ATP6V0A4: variants seen among roughly 807,000 people sequenced by gnomAD.
ATP6V0A4 encodes V-type proton ATPase 116 kDa subunit a 4.
In ATP6V0A4, 86 loss-of-function variants were observed where a neutral mutation model predicts 107.3. That is an observed-to-expected ratio of 0.80 (90% CI 0.67 to 0.96). The LOEUF is 0.96. Ranked by LOEUF, ATP6V0A4 falls within the 40% of genes least tolerant of loss-of-function variation. The pLI is 0.00. For missense variants in ATP6V0A4, 908 were observed against 1,045.6 expected (o/e 0.87, Z 1.81); for synonymous variants, 353 against 381.4 (o/e 0.93, Z 0.87).
At chr7:138,784,888 C>G (rs1247341071) in intron 2 of ATP6V0A4, among the ~76,000 whole-genome samples, 2 of 152,162 alleles carry the variant, frequency 1.3e-5, no homozygotes, top group African/African-American at 4.8e-5. Flanking sequence ...TGAGGACTTT[C>G]TACAGAATGG....
chr7:138,789,070 T>C lies in ATP6V0A4; in HGVS notation c.-120-2810A>G, dbSNP rs556649953. 8.8e-4 allele frequency among the ~76,000 whole-genome samples: 134 copies of C among 152,350 alleles called. 1 individual carries two copies. The highest frequency in any genetic ancestry group is 3.4e-3 in the Middle Eastern group (1 of 294). On this transcript the variant is annotated intron_variant, in intron 1 of 21. Transcript: ENST00000310018. ...AGATTCTAATTGTAATCCGATGTTA[T>C]ATCTGTGTCTTCTTTCTAGTCTTCT...
At position 138,709,686 on chromosome 7, in the gene ATP6V0A4, T is replaced by C. The variant is rs1208089497; in HGVS notation, c.2367A>G (p.Thr789=). Residue 789 remains threonine, a synonymous_variant, in exon 21 of 22, where the codon ACA becomes ACG. Transcript: ENST00000310018. The stretch of plus-strand genomic sequence containing the variant: ...CCTCCATGATCAGAAGGATGGCTAC[T>C]GTCAGGACAGCAAATACGGCAAAAA... ...FIIFAVFAVL[T]VAILLIMEGL... The C allele has an allele frequency of 1.9e-6, 3 of 1,613,804 alleles. No homozygotes were observed. The highest frequency in any genetic ancestry group is 4.5e-5 in the East Asian group (2 of 44,870).
chr7:138,706,570 G>A lies in ATP6V0A4; in HGVS notation c.*54C>T, dbSNP rs1003748725. The A allele has an allele frequency of 1.9e-6, 3 of 1,601,244 alleles. No individual in the cohort carries two copies. Among genetic ancestry groups the A allele is most frequent in the African/African-American group, 2.7e-5 (2 of 74,584 alleles). ...TTGCAGGGGCTGATATCAAAGACAAGACTGAACTTCCTTCATTGGCATGGT... is the reference window on the plus strand; with the variant it reads ...TTGCAGGGGCTGATATCAAAGACAAAACTGAACTTCCTTCATTGGCATGGT... On this transcript the variant is annotated 3_prime_UTR_variant, in exon 22 of 22. Transcript: ENST00000310018.
chr7:138,733,343 A>G (rs1805127660), intron 16 of ATP6V0A4, among the ~76,000 whole-genome samples: 1 of 151,668 alleles, frequency 6.6e-6, no homozygotes, highest in African/African-American at 2.4e-5. Flanking sequence ...GTCTAGAAGT[A>G]ACGTCTAAAG....
rs1324513506 is a variant in ATP6V0A4, at chr7:138,715,849, G to A, written c.2172C>T (p.Ala724=). The A allele has an allele frequency of 6.2e-7, 1 of 1,613,554 alleles. No homozygotes were observed. Among genetic ancestry groups the A allele is most frequent in the Non-Finnish European group, 8.5e-7 (1 of 1,179,704 alleles). ...CCAGGCAGTACTCGATGGTGTGGAT[G>A]GCTTGGTGGACAAAGACGTCTCCAA... ...FNFGDVFVHQ[A]IHTIEYCLGC... The change falls in exon 20 of 22, where the codon GCC becomes GCT. Residue 724 remains alanine (A), a synonymous_variant. Transcript: ENST00000310018.
At position 138,715,802 on chromosome 7, in the gene ATP6V0A4, G is replaced by A. The variant is rs1389674741; in HGVS notation, c.2219C>T (p.Ser740Phe). ...YCLGCISNTA[S>F]YLRLWALSLA... is the part of the protein sequence containing the mutation. The stretch of plus-strand genomic sequence containing the variant: ...GCTGAGGGCCCAGAGCCGCAGGTAG[G>A]AGGCTGTGTTTGAAATGCAGCCCAG... The change falls in exon 20 of 22, where the codon TCC becomes TTC. Residue 740 changes from serine to phenylalanine, a missense_variant. Physicochemically the swap from Ser to Phe is radical, Grantham distance 155 (BLOSUM62 -2). Transcript: ENST00000310018. 33 of 1,613,124 alleles carry A rather than the reference G, an allele frequency of 2.0e-5. No individual in the cohort carries two copies. Among genetic ancestry groups the A allele is most frequent in the Non-Finnish European group, 2.6e-5 (31 of 1,179,918 alleles).
chr7:138,760,289 C>T (rs939968975), intron 7 of ATP6V0A4, among the ~76,000 whole-genome samples: 4 of 151,700 alleles, frequency 2.6e-5, no homozygotes, highest in African/African-American at 9.7e-5. Flanking sequence ...ACTAAAAATA[C>T]AAAATTAGCC....
Position 138,709,623 on chromosome 7 carries a change from C to G in ATP6V0A4, c.2429+1G>C. 6.2e-7 allele frequency: 1 copy of G among 1,612,250 alleles called. No individual in the cohort carries two copies. Among genetic ancestry groups the G allele is most frequent in the Non-Finnish European group, 8.5e-7 (1 of 1,178,928 alleles). On this transcript the variant is annotated splice_donor_variant, in intron 21 of 21. Transcript: ENST00000310018. LOFTEE classifies it high-confidence loss of function. ...AGCTTCCAGGGGACAACCATCCTTA[C>G]CAGTGCAGTCGCAGGGCGTGCAGGA...
intron 15 of ATP6V0A4, among the ~76,000 whole-genome samples, chr7:138,738,690 G>A (rs1404506461): frequency 1.3e-5 from 2 of 152,158 alleles, no homozygotes; most frequent in Non-Finnish European, 2.9e-5. Flanking sequence ...GGAGGCGGGC[G>A]ATAGCGGAAT....
Position 138,742,689 on chromosome 7 carries a change from A to AT in ATP6V0A4, c.1478+2433dup, listed in dbSNP as rs5887901. On this transcript the variant is annotated intron_variant, in intron 14 of 21. Transcript: ENST00000310018. ...ACAGGCATGTGCCACTGCCCAGCTA[A>AT]TTTTTTTTTTTTTTTTCATTTTATG... 4.4e-3 allele frequency among the ~76,000 whole-genome samples: 620 copies of AT among 140,222 alleles called. 4 individuals carry two copies. Among genetic ancestry groups the AT allele is most frequent in the Middle Eastern group, 0.018 (5 of 274 alleles). 92.0% of individuals were successfully genotyped at this position (140,222 alleles called of 152,430 possible).
rs767750902 is a variant in ATP6V0A4, at chr7:138,798,081, C to A, written c.-168G>T. On this transcript the variant is annotated 5_prime_UTR_variant, in exon 1 of 22. Transcript: ENST00000310018. The stretch of plus-strand genomic sequence containing the variant: ...CTCCGCAGGACCGGCTCACCTGCAC[C>A]GGGCACTCAGCACAGCCTCCAGCAT... 2.5e-6 allele frequency: 4 copies of A among 1,583,940 alleles called. No individual in the cohort carries two copies. The highest frequency in any genetic ancestry group is 2.6e-6 in the Non-Finnish European group (3 of 1,165,776).
At chr7:138,795,246 T>G (rs940811126) in intron 1 of ATP6V0A4, among the ~76,000 whole-genome samples, 6 of 152,192 alleles carry the variant, frequency 3.9e-5, no homozygotes, top group Non-Finnish European at 8.8e-5. Context: ...CATCTGTAGA[T>G]AGGAGAATGT....
intron 18 of ATP6V0A4, among the ~76,000 whole-genome samples, chr7:138,724,792 A>G (rs1384209426): frequency 1.3e-5 from 2 of 152,160 alleles, no homozygotes; most frequent in Non-Finnish European, 2.9e-5. Context: ...TTATTCTTGA[A>G]TTAGTTAAAA....
intron 20 of ATP6V0A4, among the ~76,000 whole-genome samples, chr7:138,715,247 G>A (rs1803977388): frequency 6.6e-6 from 1 of 152,184 alleles, no homozygotes; most frequent in African/African-American, 2.4e-5. Flanking sequence ...TGTAGCCCAG[G>A]GTGGAGTGCA....
intron 15 of ATP6V0A4, among the ~76,000 whole-genome samples, chr7:138,735,055 A>G (rs575011740): frequency 1.3e-5 from 2 of 152,236 alleles, no homozygotes; most frequent in East Asian, 1.9e-4. Context: ...CATTTTAAAC[A>G]GCACTGCCAG....
At chr7:138,781,061 T>A (rs758380203) in intron 2 of ATP6V0A4, among the ~76,000 whole-genome samples, 1 of 152,214 alleles carries the variant, frequency 6.6e-6, no homozygotes, top group Non-Finnish European at 1.5e-5. Flanking sequence ...GTCCAATCAG[T>A]ATATTGTCAT....
rs1396063802 is a variant in ATP6V0A4, at chr7:138,771,073, A to C, written c.117+58T>G. Reference sequence around the variant, plus strand: ...TGTTCACCATAAAGAAGTGTTGTGCAAGAGTTATCTACTCCCACCCCTGCC... The same window carrying C: ...TGTTCACCATAAAGAAGTGTTGTGCCAGAGTTATCTACTCCCACCCCTGCC... On this transcript the variant is annotated intron_variant, in intron 3 of 21. Coordinates refer to ENST00000310018, the MANE Select transcript of ATP6V0A4 (RefSeq NM_020632.3). The C allele has an allele frequency of 8.0e-6, 12 of 1,495,292 alleles. No homozygotes were observed. In the Admixed American group the frequency reaches 2.0e-4, roughly 25 times the overall value. 92.6% of individuals were successfully genotyped at this position (1,495,292 alleles called of 1,614,324 possible).
chr7:138,733,253 C>G (rs1174169899), intron 16 of ATP6V0A4, 160 bp from the exon 17 acceptor site: 1 of 680,976 alleles, frequency 1.5e-6, no homozygotes, highest in Admixed American at 9.0e-5. Context: ...AAACAGCAAT[C>G]CTGTATGGAT....
Position 138,795,070 on chromosome 7 carries a change from C to A in ATP6V0A4, c.-121+2964G>T, listed in dbSNP as rs2130242620. On this transcript the variant is annotated intron_variant, in intron 1 of 21. Coordinates refer to ENST00000310018, the MANE Select transcript of ATP6V0A4 (RefSeq NM_020632.3). ...GCACCACCACGCCTGGCTAATATTT[C>A]TGAATTTTTTTAGTAGAGATGGGAT... Among the ~76,000 whole-genome samples the A allele has an allele frequency of 1.3e-5, 2 of 152,076 alleles. 1 individual carries two copies. Among genetic ancestry groups the A allele is most frequent in the South Asian group, 4.2e-4 (2 of 4,812 alleles).
Sources: allele counts gnomAD v4.1 joint callset (sites outside exome capture counted in the v4.1 genomes callset), GRCh38; gene constraint gnomAD v4.1.1; transcripts MANE v1.5; gene names NCBI Gene and HGNC (gene_info 2026-07-23, HGNC 2026-07-21).